The following MAGI2 variants were observed in gnomAD, a reference collection of about 807,000 sequenced individuals.
MAGI2 encodes membrane-associated guanylate kinase, WW and PDZ domain-containing protein 2.
Under a neutral mutation model 133.3 loss-of-function variants are expected in MAGI2, and 35 were observed. The ratio of observed to expected loss-of-function variants is 0.26; its 90% CI spans 0.20 to 0.35. The LOEUF (loss-of-function observed/expected upper bound fraction) is 0.35. Ranked by LOEUF, MAGI2 falls within the 10% of genes least tolerant of loss-of-function variation. MAGI2 has a pLI of 1.00. For synonymous variants in MAGI2, 729 were observed against 710.6 expected, an observed-to-expected ratio of 1.03 and a Z score of -0.41; for missense variants, 1,636 against 1,863.4, an observed-to-expected ratio of 0.88 and a Z score of 2.25.
chr7:79,131,746 A>T (rs777315131), intron 1 of MAGI2, among the ~76,000 whole-genome samples: 167 of 152,260 alleles, frequency 1.1e-3, no homozygotes, highest in Non-Finnish European at 1.8e-3. Context: ...TCGTTTTTGA[A>T]TTTTTTAATT....
intron 2 of MAGI2, among the ~76,000 whole-genome samples, chr7:78,812,330 T>C (rs1203566952): frequency 6.6e-6 from 1 of 152,242 alleles, no homozygotes; most frequent in Admixed American, 6.5e-5. Context: ...TGGTAGAAAC[T>C]ACATGTAGCC....
intron 6 of MAGI2, among the ~76,000 whole-genome samples, chr7:78,461,393 C>CGTGTGTGTGTGTGTGTGTGTGTGT (rs10654835): frequency 5.4e-4 from 75 of 138,104 alleles, no homozygotes; most frequent in Middle Eastern, 4.3e-3. Context: ...CGTGTGTGTG[C>CGTGTGTGTGTGTGTGTGTGTGTGT]GTGTGTGTGT....
intron 1 of MAGI2, among the ~76,000 whole-genome samples, chr7:79,366,270 T>A (rs948230422): frequency 1.3e-5 from 2 of 151,930 alleles, no homozygotes; most frequent in African/African-American, 4.8e-5. Flanking sequence ...AAGAAAAATA[T>A]ATATATATCC....
At chr7:78,244,297 T>A (rs1312524082) in intron 10 of MAGI2, among the ~76,000 whole-genome samples, 5 of 150,648 alleles carry the variant, frequency 3.3e-5, no homozygotes, top group Non-Finnish European at 7.4e-5. Context: ...TTTGAAAACC[T>A]GAATAAAAGA....
At chr7:79,385,062 A>G (rs141913219) in intron 1 of MAGI2, among the ~76,000 whole-genome samples, 1 of 151,778 alleles carries the variant, frequency 6.6e-6, no homozygotes, top group South Asian at 2.1e-4. Flanking sequence ...CAGCACCATT[A>G]TTTTCTTTAA....
chr7:78,551,385 C>T (rs1799320311), intron 3 of MAGI2, among the ~76,000 whole-genome samples: 2 of 152,182 alleles, frequency 1.3e-5, no homozygotes, highest in Non-Finnish European at 2.9e-5. Flanking sequence ...TAGAAACTTA[C>T]AGGCCTTGAA....
chr7:78,573,321 A>AAT (rs1233957871), intron 3 of MAGI2, among the ~76,000 whole-genome samples: 556 of 51,352 alleles, frequency 0.011, 25 homozygotes, highest in African/African-American at 0.048. Flanking sequence ...TAAATATATA[A>AAT]ATATATATAT....
At chr7:78,728,409 T>C (rs1196058495) in intron 2 of MAGI2, among the ~76,000 whole-genome samples, 1 of 152,156 alleles carries the variant, frequency 6.6e-6, no homozygotes, top group Non-Finnish European at 1.5e-5. Flanking sequence ...TGGTTCTTAC[T>C]CTATGGAACT....
At chr7:78,153,701 C>A (rs1448631567) in intron 16 of MAGI2, among the ~76,000 whole-genome samples, 2 of 152,170 alleles carry the variant, frequency 1.3e-5, no homozygotes, top group Non-Finnish European at 1.5e-5. Flanking sequence ...ATCTAGGCCT[C>A]AAACTTACCC....
rs985826442 is a variant in MAGI2 at position 79,176,515 on chromosome 7, T to C, written c.302-169309A>G. ...AACACTCTCTGGAACAATGAATTACTTCAGTGAATACAGGTGTACTAGTGG... is the reference window on the plus strand; with the variant it reads ...AACACTCTCTGGAACAATGAATTACCTCAGTGAATACAGGTGTACTAGTGG... On this transcript the variant is annotated intron_variant, in intron 1 of 21. Transcript: ENST00000354212. Among the ~76,000 whole-genome samples, 16 of 152,232 alleles carry C rather than the reference T, an allele frequency of 1.1e-4. No homozygotes were observed. In the Middle Eastern group the frequency reaches 0.014, roughly 129 times the overall value.
intron 1 of MAGI2, among the ~76,000 whole-genome samples, chr7:79,407,212 C>T (rs887819745): frequency 1.4e-4 from 22 of 152,114 alleles, no homozygotes; most frequent in African/African-American, 4.3e-4. Context: ...GATATTCATA[C>T]CCATGCCTAT....
chr7:78,143,091 C>G (rs1467251737), intron 16 of MAGI2, among the ~76,000 whole-genome samples: 1 of 152,160 alleles, frequency 6.6e-6, no homozygotes, highest in Non-Finnish European at 1.5e-5. Flanking sequence ...AAACCAGCAA[C>G]TCAGGACTTT....
intron 6 of MAGI2, among the ~76,000 whole-genome samples, chr7:78,447,366 T>C (rs1353144735): frequency 2.0e-5 from 3 of 151,452 alleles, no homozygotes; most frequent in East Asian, 1.9e-4. Flanking sequence ...ATTTTTTGTG[T>C]TTCCAGATGG....
intron 2 of MAGI2, among the ~76,000 whole-genome samples, chr7:78,804,142 TACAC>T (rs1408291619): frequency 6.6e-6 from 1 of 152,208 alleles, no homozygotes; most frequent in Non-Finnish European, 1.5e-5. Flanking sequence ...GATGAACAGA[TACAC>T]ACAGACAAGT....
intron 4 of MAGI2, among the ~76,000 whole-genome samples, chr7:78,508,247 G>A (rs1401084778): frequency 6.6e-6 from 1 of 151,392 alleles, no homozygotes; most frequent in Non-Finnish European, 1.5e-5. Flanking sequence ...AGATACTGGG[G>A]GTTTGGACTT....
chr7:78,561,984 A>G (rs138882106), intron 3 of MAGI2, among the ~76,000 whole-genome samples: 138 of 152,302 alleles, frequency 9.1e-4, no homozygotes, highest in African/African-American at 3.3e-3. Flanking sequence ...TTCAGGACAC[A>G]CCTGCTCCCC....
intron 1 of MAGI2, among the ~76,000 whole-genome samples, chr7:79,211,052 T>A (rs568127461): frequency 6.6e-6 from 1 of 152,202 alleles, no homozygotes; most frequent in Non-Finnish European, 1.5e-5. Flanking sequence ...ATTGGCTAAG[T>A]CACTTGCAGG....
intron 3 of MAGI2, among the ~76,000 whole-genome samples, chr7:78,596,007 T>C (rs1459920721): frequency 2.0e-5 from 3 of 152,146 alleles, no homozygotes; most frequent in African/African-American, 7.2e-5. Flanking sequence ...AATTGAGAAT[T>C]TTCCCTATGA....
intron 2 of MAGI2, among the ~76,000 whole-genome samples, chr7:78,761,219 A>G (rs1585323555): frequency 6.6e-6 from 1 of 152,204 alleles, no homozygotes; most frequent in East Asian, 1.9e-4. Flanking sequence ...ACTTGTAGTA[A>G]GCGTCATTTC....
Sources: allele counts gnomAD v4.1 joint callset (sites outside exome capture counted in the v4.1 genomes callset), GRCh38; gene constraint gnomAD v4.1.1; transcripts MANE v1.5; gene names NCBI Gene and HGNC (gene_info 2026-07-23, HGNC 2026-07-21).